Variants in ARAP2 observed in about 807,000 individuals in gnomAD.
The protein encoded by ARAP2 is ArfGAP with RhoGAP domain, ankyrin repeat and PH domain 2.
A neutral mutation model predicts 194.5 loss-of-function variants in ARAP2; 148 were observed. The ratio of observed to expected loss-of-function variants is 0.76; its 90% CI spans 0.67 to 0.87. The LOEUF (loss-of-function observed/expected upper bound fraction) is 0.87, where lower values mean the gene tolerates loss of function less well. Among genes scored for constraint, ARAP2 ranks in the 40% least tolerant of loss-of-function variants. ARAP2 has a pLI of 0.00. For synonymous variants in ARAP2, 695 were observed against 683.5 expected (o/e 1.02, Z -0.26); for missense variants, 2,128 against 1,989.7 (o/e 1.07, Z -1.32).
chr4:36,053,167 T>C (rs1323945518), intron 2 of ARAP2, among the ~76,000 whole-genome samples: 2 of 151,810 alleles, frequency 1.3e-5, no homozygotes, highest in Non-Finnish European at 2.9e-5. Context: ...CCACCACGCC[T>C]GGATAATTTT....
At chr4:36,007,395 C>G (rs565613860) in intron 9 of ARAP2, among the ~76,000 whole-genome samples, 1 of 151,950 alleles carries the variant, frequency 6.6e-6, no homozygotes, top group Non-Finnish European at 1.5e-5. Flanking sequence ...GAAACAGAGA[C>G]GACAGAGAGA....
At chr4:36,006,679 TA>T (rs537842445) in intron 10 of ARAP2, 52 of 152,228 alleles carry the variant, frequency 3.4e-4, no homozygotes, top group South Asian at 8.3e-4. Context: ...TTTTATATAT[TA>T]AAAAAATCTG....
intron 5 of ARAP2, among the ~76,000 whole-genome samples, chr4:36,043,747 G>A (rs1025334402): frequency 6.9e-6 from 1 of 144,692 alleles, no homozygotes; most frequent in African/African-American, 2.6e-5. Context: ...GCTGGGACAT[G>A]TAGGAAGACC....
At chr4:36,224,114 A>G (rs1749738892) in intron 2 of ARAP2, among the ~76,000 whole-genome samples, 2 of 151,988 alleles carry the variant, frequency 1.3e-5, no homozygotes, top group South Asian at 4.2e-4. Flanking sequence ...GGTTAATGTC[A>G]AAGATATCCC....
At chr4:36,166,881 C>A in intron 10 of ARAP2, 51 bp downstream of exon 10, 1 of 1,162,332 alleles carries the variant, frequency 8.6e-7, no homozygotes. Context: ...AGGTGGATCA[C>A]CCAAGCTTTC....
chr4:36,046,230 C>G (rs1166824434), intron 4 of ARAP2, among the ~76,000 whole-genome samples: 2 of 152,162 alleles, frequency 1.3e-5, no homozygotes, highest in Admixed American at 1.3e-4. Flanking sequence ...GTCACCCAGG[C>G]TGGAGTACAG....
intron 6 of ARAP2, among the ~76,000 whole-genome samples, chr4:36,195,690 TC>T (rs1447758885): frequency 6.6e-6 from 1 of 152,200 alleles, no homozygotes; most frequent in African/African-American, 2.4e-5. Flanking sequence ...TGACTCCTTA[TC>T]TTTCAGTTAC....
At chr4:36,192,547 T>C (rs1001628060) in intron 7 of ARAP2, among the ~76,000 whole-genome samples, 2 of 152,172 alleles carry the variant, frequency 1.3e-5, no homozygotes, top group Non-Finnish European at 2.9e-5. Flanking sequence ...TTTTCCTCCT[T>C]ATTTCAATCA....
chr4:36,215,957 T>G (rs1207883499), intron 2 of ARAP2, among the ~76,000 whole-genome samples: 1 of 152,130 alleles, frequency 6.6e-6, no homozygotes, highest in African/African-American at 2.4e-5. Flanking sequence ...AAATGCTATT[T>G]TTTTAAGCCT....
intron 28 of ARAP2, among the ~76,000 whole-genome samples, chr4:36,085,648 T>A (rs1711587653): frequency 1.3e-5 from 2 of 152,072 alleles, no homozygotes; most frequent in South Asian, 2.1e-4. Flanking sequence ...TTTACTTATC[T>A]CCCAAAATGT....
chr4:36,211,149 A>G (rs1578290241), intron 5 of ARAP2, among the ~76,000 whole-genome samples: 1 of 152,068 alleles, frequency 6.6e-6, no homozygotes, highest in South Asian at 2.1e-4. Flanking sequence ...CTTATTTCCA[A>G]TTTGCTTACC....
chr4:36,098,048 G>A (rs568741559), intron 27 of ARAP2, among the ~76,000 whole-genome samples: 4 of 40,708 alleles, frequency 9.8e-5, no homozygotes, highest in East Asian at 1.2e-3. Flanking sequence ...TGAAAAGCTC[G>A]CACCTCCAAA....
Position 36,101,888 on chromosome 4 carries a change from C to T in ARAP2, c.4285+5677G>A, listed in dbSNP as rs541149929. ...ATCACTATCAACCACAATAACAATA[C>T]GTGTCCAGGTGCCTTTCTTGGTTTC... On this transcript the variant is annotated intron_variant, in intron 27 of 32. Coordinates refer to ENST00000303965, the MANE Select transcript of ARAP2 (RefSeq NM_015230.4). Among the ~76,000 whole-genome samples the T allele has an allele frequency of 3.9e-5, 6 of 152,038 alleles. No individual in the cohort carries two copies. The South Asian group carries it at 1.2e-3, about 32-fold the overall frequency.
At chr4:36,148,946 T>A (rs1192376484) in intron 16 of ARAP2, among the ~76,000 whole-genome samples, 5 of 152,246 alleles carry the variant, frequency 3.3e-5, no homozygotes, top group African/African-American at 1.2e-4. Flanking sequence ...CACAAACACA[T>A]CAAGCATTAA....
At chr4:36,214,115 T>C (rs1388646857) in intron 3 of ARAP2, among the ~76,000 whole-genome samples, 1 of 152,194 alleles carries the variant, frequency 6.6e-6, no homozygotes, top group Non-Finnish European at 1.5e-5. Flanking sequence ...CTTTGTTCTG[T>C]AGCTCAAACT....
chr4:36,053,250 C>T (rs1427280799), intron 2 of ARAP2, among the ~76,000 whole-genome samples: 5 of 151,934 alleles, frequency 3.3e-5, no homozygotes, highest in Non-Finnish European at 5.9e-5. Flanking sequence ...GTGATCCACC[C>T]GCCTTGGCCT....
intron 8 of ARAP2, among the ~76,000 whole-genome samples, chr4:36,013,968 C>T (rs1259869706): frequency 6.6e-6 from 1 of 151,974 alleles, no homozygotes; most frequent in Non-Finnish European, 1.5e-5. Context: ...CACGGTGGCT[C>T]ACGCCTGTAA....
At chr4:36,201,323 A>G (rs1744318752) in intron 6 of ARAP2, among the ~76,000 whole-genome samples, 1 of 152,200 alleles carries the variant, frequency 6.6e-6, no homozygotes, top group East Asian at 1.9e-4. Context: ...AGACATTAGT[A>G]CATTTTATAG....
chr4:36,161,884 G>A (rs1734102529), intron 11 of ARAP2, among the ~76,000 whole-genome samples: 1 of 151,380 alleles, frequency 6.6e-6, no homozygotes, highest in South Asian at 2.1e-4. Context: ...CGAGGCGGGC[G>A]GATCACGAGG....
Sources: gnomAD v4.1 joint callset for allele counts (sites outside exome capture counted in the v4.1 genomes callset) on GRCh38, gnomAD v4.1.1 for gene constraint, MANE v1.5 for transcripts, NCBI Gene and HGNC (gene_info 2026-07-23, HGNC 2026-07-21) for gene names.